Variants in ATP6V0A4 observed in about 807,000 individuals in gnomAD.
The protein encoded by ATP6V0A4 is V-type proton ATPase 116 kDa subunit a 4.
Under a neutral mutation model 107.3 loss-of-function variants are expected in ATP6V0A4, and 86 were observed. That is an observed-to-expected ratio of 0.80 (90% confidence interval 0.67 to 0.96). ATP6V0A4 has a LOEUF of 0.96. Ranked by LOEUF, ATP6V0A4 falls within the 40% of genes least tolerant of loss-of-function variation. The pLI is 0.00. For synonymous variants in ATP6V0A4, 353 were observed against 381.4 expected, an observed-to-expected ratio of 0.93 and a Z score of 0.87; for missense variants, 908 against 1,045.6, an observed-to-expected ratio of 0.87 and a Z score of 1.81.
intron 14 of ATP6V0A4, among the ~76,000 whole-genome samples, chr7:138,740,621 T>A (rs1289711731): frequency 6.6e-6 from 1 of 150,606 alleles, no homozygotes; most frequent in Non-Finnish European, 1.5e-5. Flanking sequence ...TTTGTATTTT[T>A]AGTAGAGATG....
intron 14 of ATP6V0A4, among the ~76,000 whole-genome samples, 165 bp downstream of exon 14, chr7:138,744,958 C>A (rs1410375952): frequency 6.6e-6 from 1 of 152,214 alleles, no homozygotes; most frequent in Non-Finnish European, 1.5e-5. Flanking sequence ...CTGCCTCAGC[C>A]TCCCAGAGCA....
chr7:138,726,829 A>G (rs1172502501), intron 18 of ATP6V0A4, among the ~76,000 whole-genome samples: 1 of 152,144 alleles, frequency 6.6e-6, no homozygotes, highest in African/African-American at 2.4e-5. Context: ...GCTATCATCC[A>G]TGAAGGCAGA....
At position 138,755,748 on chromosome 7, in the gene ATP6V0A4, C is replaced by CA; in HGVS notation, c.756dup (p.Ala253CysfsTer108). On this transcript the variant is annotated frameshift_variant, in exon 10 of 22. Transcript: ENST00000310018. LOFTEE classifies it high-confidence loss of function. ...TCCAACATCTCTCTGCGCTCCACCG[C>CA]AGGCTCTGGGCAAGGGTAGACAGTG... is the stretch of plus-strand genomic sequence containing the variant. 1 of 1,613,874 alleles carries CA rather than the reference C, an allele frequency of 6.2e-7. No individual in the cohort carries two copies. Among genetic ancestry groups the CA allele is most frequent in the South Asian group, 1.1e-5 (1 of 91,086 alleles).
intron 17 of ATP6V0A4, among the ~76,000 whole-genome samples, chr7:138,730,106 G>T (rs970663286): frequency 6.6e-6 from 1 of 152,108 alleles, no homozygotes; most frequent in African/African-American, 2.4e-5. Context: ...GGATGGTCTC[G>T]ATCTCCTGAC....
chr7:138,734,195 C>T lies in ATP6V0A4; in HGVS notation c.1632G>A (p.Ser544=), dbSNP rs200131246. Residue 544 remains serine, a synonymous_variant, in exon 16 of 22, where the codon TCG becomes TCA. Transcript: ENST00000310018. ...TFLNSYKMKM[S]VILGIVQMVF... Reference sequence around the variant, plus strand: ...CCATCTGGACAATTCCCAGGATCACCGACATCTTCATTTTATACGAGTTCA... The same window carrying T: ...CCATCTGGACAATTCCCAGGATCACTGACATCTTCATTTTATACGAGTTCA... 79 of 1,613,712 alleles carry T rather than the reference C, an allele frequency of 4.9e-5. No individual in the cohort carries two copies. Among genetic ancestry groups the T allele is most frequent in the Middle Eastern group, 1.6e-4 (1 of 6,062 alleles).
intron 5 of ATP6V0A4, among the ~76,000 whole-genome samples, chr7:138,766,223 A>G (rs2353843): frequency 1 from 149,163 of 149,362 alleles, 74,482 homozygotes; most frequent in Non-Finnish European, 1. Context: ...TTTTTTTGGA[A>G]ACACAGTCTT....
At chr7:138,715,983 AC>A in intron 19 of ATP6V0A4, 102 bp from the exon 20 acceptor site, 1 of 1,492,314 alleles carries the variant, frequency 6.7e-7, no homozygotes, top group Non-Finnish European at 9.3e-7. Context: ...TGCTGTTCAG[AC>A]ACTTTCAGTC....
In ATP6V0A4 at chr7:138,751,357, C is replaced by T. The variant is rs569351414; in HGVS notation, c.1029+1268G>A. Among the ~76,000 whole-genome samples, 21 of 152,282 alleles carry T rather than the reference C, an allele frequency of 1.4e-4. No homozygotes were observed. In the South Asian group the frequency reaches 3.1e-3, roughly 23 times the overall value. ...GTGCGGTGTCCTTCTCCCCTGGGCT[C>T]TGAAGACGAGTGACTAAAAACAGCT... On this transcript the variant is annotated intron_variant, in intron 11 of 21. Coordinates refer to ENST00000310018, the MANE Select transcript of ATP6V0A4 (RefSeq NM_020632.3).
chr7:138,742,698 T>A (rs1313784839), intron 14 of ATP6V0A4, among the ~76,000 whole-genome samples: 1 of 151,486 alleles, frequency 6.6e-6, no homozygotes, highest in Non-Finnish European at 1.5e-5. Context: ...AATTTTTTTT[T>A]TTTTTTTCAT....
chr7:138,719,623 G>T (rs1158562564), intron 19 of ATP6V0A4, among the ~76,000 whole-genome samples: 1 of 152,114 alleles, frequency 6.6e-6, no homozygotes, highest in Non-Finnish European at 1.5e-5. Context: ...ATCAATGTGG[G>T]GACAGTAATG....
chr7:138,772,630 T>C (rs1194052380), intron 2 of ATP6V0A4, among the ~76,000 whole-genome samples: 4 of 152,172 alleles, frequency 2.6e-5, no homozygotes, highest in Non-Finnish European at 5.9e-5. Context: ...ACATCCACCA[T>C]ACTGTAACAG....
intron 5 of ATP6V0A4, among the ~76,000 whole-genome samples, chr7:138,766,909 C>T (rs1807120744): frequency 6.6e-6 from 1 of 152,204 alleles, no homozygotes. Flanking sequence ...TTTGAAAAGG[C>T]TATTAAAATA....
Position 138,759,863 on chromosome 7 carries a change from C to A in ATP6V0A4, c.528G>T (p.Val176=). 2 of 1,614,056 alleles carry A rather than the reference C, an allele frequency of 1.2e-6. No homozygotes were observed. The highest frequency in any genetic ancestry group is 4.5e-5 in the East Asian group (2 of 44,862). ...MTGKLGFIAG[V]INRERMASFE... Reference sequence around the variant, plus strand: ...AGGAAGCCATCCTCTCCCTGTTGATCACACCGGCTATGAACCTAGGCAGCC... The same window carrying A: ...AGGAAGCCATCCTCTCCCTGTTGATAACACCGGCTATGAACCTAGGCAGCC... Residue 176 remains valine, a synonymous_variant, in exon 8 of 22, where the codon GTG becomes GTT. Coordinates refer to ENST00000310018, the MANE Select transcript of ATP6V0A4 (RefSeq NM_020632.3).
At chr7:138,767,022 G>A (rs747186466) in intron 5 of ATP6V0A4, among the ~76,000 whole-genome samples, 3 of 152,196 alleles carry the variant, frequency 2.0e-5, no homozygotes, top group Non-Finnish European at 4.4e-5. Flanking sequence ...AAGCAGGTGT[G>A]AGAAACCAGC....
rs71179727 is a variant in ATP6V0A4, at chr7:138,707,310, TTATTTATATTTA to T, written c.2430-605_2430-594del. ...AATTATATTATAAATATATTTATAT[TTATTTATATTTA>T]TATTTATATTTATAATATATATATT... On this transcript the variant is annotated intron_variant, in intron 21 of 21. Coordinates refer to ENST00000310018, the MANE Select transcript of ATP6V0A4 (RefSeq NM_020632.3). Among the ~76,000 whole-genome samples the T allele has an allele frequency of 3.5e-3, 307 of 88,894 alleles. 3 individuals are homozygous for T. Among genetic ancestry groups the T allele is most frequent in the African/African-American group, 0.014 (295 of 20,384 alleles). The allele number at this position is 88,894 out of a possible 152,430, so 58.3% of individuals were successfully genotyped here. A position where few individuals can be genotyped will look rare whatever the true frequency, so the allele number is the denominator to read the frequency against.
chr7:138,760,082 G>T, intron 7 of ATP6V0A4: 1 of 256,420 alleles, frequency 3.9e-6, no homozygotes, highest in Non-Finnish European at 6.1e-6. Flanking sequence ...TTGACCTTCT[G>T]TTTTCTTTGG....
intron 19 of ATP6V0A4, among the ~76,000 whole-genome samples, chr7:138,717,891 C>T (rs1584892407): frequency 2.7e-5 from 3 of 112,522 alleles, no homozygotes; most frequent in African/African-American, 7.1e-5. Context: ...CTGGGCGACA[C>T]AGTGAGACTC....
At chr7:138,718,119 AT>A (rs1562980068) in intron 19 of ATP6V0A4, among the ~76,000 whole-genome samples, 23 of 13,734 alleles carry the variant, frequency 1.7e-3, no homozygotes, top group East Asian at 2.8e-3. Context: ...GCAGTCACGG[AT>A]GTCTGCAGAG....
chr7:138,769,296 G>A, intron 3 of ATP6V0A4, 45 bp from the exon 4 acceptor site: 1 of 1,564,232 alleles, frequency 6.4e-7, no homozygotes. Flanking sequence ...AGCAACAGCT[G>A]CCAATAGATT....
Sources: allele counts gnomAD v4.1 joint callset (sites outside exome capture counted in the v4.1 genomes callset), GRCh38; gene constraint gnomAD v4.1.1; transcripts MANE v1.5; gene names NCBI Gene and HGNC (gene_info 2026-07-23, HGNC 2026-07-21).